Variants in THRB observed in about 807,000 individuals in gnomAD.
THRB encodes the protein thyroid hormone receptor beta, also known as nuclear receptor subfamily 1 group A member 2.
A neutral mutation model predicts 47.8 loss-of-function variants in THRB; 12 were observed. The ratio of observed to expected loss-of-function variants is 0.25; its 90% confidence interval spans 0.16 to 0.41. THRB has a LOEUF of 0.41. Among genes scored for constraint, THRB ranks in the 10% least tolerant of loss-of-function variants. THRB has a pLI of 1.00. For missense variants in THRB, 348 were observed against 589.2 expected (o/e 0.59, Z 4.24); for synonymous variants, 218 against 212.2 (o/e 1.03, Z -0.24).
intron 2 of THRB, among the ~76,000 whole-genome samples, chr3:24,298,568 C>G (rs771220044): frequency 5.9e-5 from 9 of 152,226 alleles, no homozygotes; most frequent in Non-Finnish European, 1.2e-4. Flanking sequence ...AATACCGTCT[C>G]TGATTTTCAT....
At chr3:24,235,237 A>C (rs528021899) in intron 3 of THRB, among the ~76,000 whole-genome samples, 1 of 152,284 alleles carries the variant, frequency 6.6e-6, no homozygotes, top group African/African-American at 2.4e-5. Flanking sequence ...CTTCTTGTAG[A>C]ACTCCAGCAC....
intron 3 of THRB, among the ~76,000 whole-genome samples, chr3:24,252,200 G>A (rs1440195467): frequency 6.6e-6 from 1 of 152,064 alleles, no homozygotes; most frequent in Non-Finnish European, 1.5e-5. Flanking sequence ...TGAACAAAAA[G>A]TAACAGGGAG....
chr3:24,273,414 A>G (rs2053559163), intron 3 of THRB, among the ~76,000 whole-genome samples: 1 of 152,202 alleles, frequency 6.6e-6, no homozygotes, highest in South Asian at 2.1e-4. Flanking sequence ...ACATTAATTA[A>G]TATCTCTTAT....
chr3:24,123,550 C>CT (rs1340493506), intron 10 of THRB, among the ~76,000 whole-genome samples: 1 of 152,086 alleles, frequency 6.6e-6, no homozygotes, highest in Non-Finnish European at 1.5e-5. Context: ...TATGAAGGGA[C>CT]TGGGGACATT....
chr3:24,141,933 T>G (rs1215042440), intron 8 of THRB, among the ~76,000 whole-genome samples: 4 of 152,222 alleles, frequency 2.6e-5, no homozygotes, highest in Non-Finnish European at 5.9e-5. Context: ...AAGTGTACTG[T>G]GTTAGAATTT....
chr3:24,328,019 T>A (rs1346788275), intron 2 of THRB, among the ~76,000 whole-genome samples: 1 of 152,178 alleles, frequency 6.6e-6, no homozygotes, highest in African/African-American at 2.4e-5. Flanking sequence ...AATAATCCTT[T>A]AATGAAGTTC....
intron 5 of THRB, 82 bp from the exon 6 acceptor site, chr3:24,152,572 G>T: frequency 2.5e-6 from 2 of 802,416 alleles, no homozygotes; most frequent in Non-Finnish European, 4.3e-6. Context: ...TGCTAGGCCA[G>T]AGACAAAATT....
chr3:24,484,910 G>A (rs949548244), intron 1 of THRB, among the ~76,000 whole-genome samples: 8 of 152,186 alleles, frequency 5.3e-5, no homozygotes, highest in African/African-American at 1.9e-4. Context: ...CAAGAGACTT[G>A]TCCAGAATAT....
intron 1 of THRB, among the ~76,000 whole-genome samples, chr3:24,475,577 T>C (rs546116018): frequency 3.3e-4 from 50 of 152,298 alleles, no homozygotes; most frequent in Middle Eastern, 6.8e-3. Flanking sequence ...TGAAAGGCCA[T>C]GCACTAGCAA....
intron 8 of THRB, among the ~76,000 whole-genome samples, chr3:24,141,349 T>G (rs1195118260): frequency 2.0e-5 from 3 of 152,236 alleles, no homozygotes; most frequent in Admixed American, 2.0e-4. Context: ...TTTTGCTTTA[T>G]AGAGGTGGTT....
At position 24,119,056 on chromosome 3, in the gene THRB, G is replaced by A. The variant is rs1267473182; in HGVS notation, c.*3828C>T. 1 of 113,328 alleles carries A rather than the reference G, an allele frequency of 8.8e-6. No individual in the cohort carries two copies. The highest frequency in any genetic ancestry group is 1.3e-4 in the Admixed American group (1 of 7,860). The allele number at this position is 113,328 out of a possible 1,614,324, so 7.0% of individuals were successfully genotyped here. Reference sequence around the variant, plus strand: ...AAGATTAAAGTAAAATGTCTCAATTGTAAAAAATACACACCGGGCAAATCC... The same window carrying A: ...AAGATTAAAGTAAAATGTCTCAATTATAAAAAATACACACCGGGCAAATCC... On this transcript the variant is annotated 3_prime_UTR_variant, in exon 11 of 11. Transcript: ENST00000646209.
intron 5 of THRB, among the ~76,000 whole-genome samples, chr3:24,163,450 AAAGAG>A (rs1308045019): frequency 3.9e-5 from 6 of 152,168 alleles, no homozygotes; most frequent in Admixed American, 3.9e-4. Flanking sequence ...TGAAAAGATA[AAAGAG>A]AAAAGAGCCT....
intron 2 of THRB, among the ~76,000 whole-genome samples, chr3:24,301,932 T>C (rs1403989259): frequency 6.6e-6 from 1 of 152,168 alleles, no homozygotes; most frequent in African/African-American, 2.4e-5. Flanking sequence ...CCAAGGAGTA[T>C]GGCTGACCTC....
At chr3:24,409,869 A>T (rs2068131316) in intron 1 of THRB, among the ~76,000 whole-genome samples, 1 of 151,850 alleles carries the variant, frequency 6.6e-6, no homozygotes, top group South Asian at 2.1e-4. Context: ...CCATGGAAAT[A>T]TCTGTAGACA....
intron 5 of THRB, among the ~76,000 whole-genome samples, chr3:24,169,700 TATA>T: frequency 6.8e-6 from 1 of 147,950 alleles, no homozygotes; most frequent in East Asian, 2.0e-4. Flanking sequence ...ATATATATAT[TATA>T]ATATATATCT....
chr3:24,343,940 T>C (rs2062844855), intron 1 of THRB, among the ~76,000 whole-genome samples: 1 of 146,986 alleles, frequency 6.8e-6, no homozygotes, highest in Non-Finnish European at 1.5e-5. Context: ...TTTATTTATA[T>C]ATTATATATT....
At chr3:24,457,172 C>T (rs62228829) in intron 1 of THRB, among the ~76,000 whole-genome samples, 4,589 of 152,212 alleles carry the variant, frequency 0.03, 97 homozygotes, top group South Asian at 0.057. Context: ...TAAAACAAGA[C>T]AATATAGTCA....
At chr3:24,468,968 A>AG (rs1489387535) in intron 1 of THRB, among the ~76,000 whole-genome samples, 2 of 152,196 alleles carry the variant, frequency 1.3e-5, no homozygotes, top group African/African-American at 4.8e-5. Context: ...AGGGTAAAGC[A>AG]GGGTTCAATA....
At chr3:24,286,850 C>A (rs2055356493) in intron 3 of THRB, among the ~76,000 whole-genome samples, 1 of 152,160 alleles carries the variant, frequency 6.6e-6, no homozygotes, top group Non-Finnish European at 1.5e-5. Flanking sequence ...GCATGTGCTA[C>A]ATTTTCTCAC....
Sources: allele counts gnomAD v4.1 joint callset (sites outside exome capture counted in the v4.1 genomes callset), GRCh38; gene constraint gnomAD v4.1.1; transcripts MANE v1.5; gene names NCBI Gene and HGNC (gene_info 2026-07-23, HGNC 2026-07-21).